APOC3: variants seen among roughly 807,000 people sequenced by gnomAD.
The protein encoded by APOC3 is apolipoprotein C-III.
In APOC3, 6 loss-of-function variants were observed where a neutral mutation model predicts 7.3. That is an observed-to-expected ratio of 0.82 (90% CI 0.45 to 1.61). The LOEUF (loss-of-function observed/expected upper bound fraction) is 1.61, where lower values mean the gene tolerates loss of function less well. APOC3 is among the 40% of genes most tolerant of loss of function. The probability of loss-of-function intolerance (pLI) is 0.01; values close to 1 mark genes in which losing one functional copy is unlikely to be tolerated. For missense variants in APOC3, 123 were observed against 124.9 expected (o/e 0.98, Z 0.07); for synonymous variants, 45 against 51.2 (o/e 0.88, Z 0.52).
intron 3 of APOC3, chr11:116,831,205 C>CT (rs371642961): frequency 9.4e-6 from 1 of 106,638 alleles, no homozygotes; most frequent in East Asian, 1.6e-4. Context: ...TTCTTTCTTT[C>CT]TTTCTTTCTT....
At chr11:116,831,161 C>A (rs1941443479) in intron 3 of APOC3, 2 of 366,970 alleles carry the variant, frequency 5.5e-6, no homozygotes, top group Non-Finnish European at 4.8e-6. Flanking sequence ...TTTCCATTTT[C>A]CTTTCCTTTC....
At position 116,830,863 on chromosome 11, in the gene APOC3, G is replaced by A. The variant is rs1416171435; in HGVS notation, c.146G>A (p.Ser49Asn). 2 of 1,613,118 alleles carry A rather than the reference G, an allele frequency of 1.2e-6. No individual in the cohort carries two copies. Among genetic ancestry groups the A allele is most frequent in the East Asian group, 2.2e-5 (1 of 44,870 alleles). The change falls in exon 3 of 4, where the codon AGC (serine) becomes AAC (asparagine). Residue 49 changes from serine to asparagine, a missense_variant. Transcript: ENST00000227667. ...ATKTAKDALS[S>N]VQESQVAQQA... ...AAGACCGCCAAGGATGCACTGAGCA[G>A]CGTGCAGGAGTCCCAGGTGGCCCAG...
At chr11:116,831,549 G>C (rs145482404) in intron 3 of APOC3, among the ~76,000 whole-genome samples, 8 of 152,060 alleles carry the variant, frequency 5.3e-5, no homozygotes, top group African/African-American at 1.9e-4. Flanking sequence ...ATTTTTAGCA[G>C]AGATGGGGTT....
chr11:116,830,812 T>C lies in APOC3; in HGVS notation c.95T>C (p.Met32Thr), dbSNP rs1288391287. 1 of 1,613,240 alleles carries C rather than the reference T, an allele frequency of 6.2e-7. No homozygotes were observed. Among genetic ancestry groups the C allele is most frequent in the African/African-American group, 1.3e-5 (1 of 75,046 alleles). ...GAGGATGCCTCCCTTCTCAGCTTCA[T>C]GCAGGGTTACATGAAGCACGCCACC... The part of the protein sequence containing the change: ...EAEDASLLSF[M>T]QGYMKHATKT... Residue 32 changes from methionine (M) to threonine (T), a missense_variant, in exon 3 of 4, where the codon ATG (methionine) becomes ACG (threonine). By Grantham distance (81) the Met-to-Thr change is moderately conservative. Transcript: ENST00000227667.
chr11:116,831,283 C>T (rs200501619), intron 3 of APOC3, among the ~76,000 whole-genome samples: 18,428 of 46,328 alleles, frequency 0.4, 1,871 homozygotes, highest in Non-Finnish European at 0.48. Context: ...TTCTTTCTTT[C>T]CTTTCTTTCT....
At chr11:116,830,542 G>A (rs773126795) in intron 1 of APOC3, 28 bp from the exon 2 acceptor site, 1 of 1,613,262 alleles carries the variant, frequency 6.2e-7, no homozygotes, top group Non-Finnish European at 8.5e-7. Flanking sequence ...GGGACCTGGG[G>A]TGCCCCTCAC....
At chr11:116,831,008 G>A (rs1941440925) in intron 3 of APOC3, 112 bp downstream of exon 3, 3 of 1,320,150 alleles carry the variant, frequency 2.3e-6, no homozygotes, top group East Asian at 5.0e-5. Context: ...GCCTCCCCTG[G>A]GCCTGTGCCT....
At position 116,830,895 on chromosome 11, in the gene APOC3, A is replaced by G; in HGVS notation, c.178A>G (p.Arg60Gly). Residue 60 changes from arginine (R) to glycine (G), a missense_variant and splice_region_variant, in exon 3 of 4, where the codon AGG (arginine) becomes GGG (glycine). Arg to Gly is a moderately radical substitution (Grantham distance 125). Transcript: ENST00000227667. The part of the protein sequence containing the change: ...VQESQVAQQA[R>G]GWVTDGFSSL... The stretch of plus-strand genomic sequence containing the variant: ...GGAGTCCCAGGTGGCCCAGCAGGCC[A>G]GGTACACCCGCTGGCCTCCCTCCCC... 1 of 1,611,040 alleles carries G rather than the reference A, an allele frequency of 6.2e-7. No homozygotes were observed. Among genetic ancestry groups the G allele is most frequent in the Non-Finnish European group, 8.5e-7 (1 of 1,179,592 alleles).
chr11:116,831,357 T>C (rs1941458414), intron 3 of APOC3, among the ~76,000 whole-genome samples: 1 of 150,412 alleles, frequency 6.6e-6, no homozygotes, highest in South Asian at 2.1e-4. Flanking sequence ...TCTTCCTTTC[T>C]CTCTTTCTTT....
intron 3 of APOC3, chr11:116,831,187 C>CTATT (rs1314746615): frequency 3.7e-5 from 7 of 191,004 alleles, no homozygotes; most frequent in Non-Finnish European, 7.1e-5. Context: ...CTTTCTCTTT[C>CTATT]TATTTCTTTC....
chr11:116,831,226 TTTCTTTCTTTC>T, intron 3 of APOC3: 1 of 196,566 alleles, frequency 5.1e-6, no homozygotes, highest in Non-Finnish European at 9.1e-6. Context: ...TCTTTCTTTC[TTTCTTTCTTTC>T]TTTCTTTCTT....
rs1941480195 is a variant in APOC3, at chr11:116,833,024, C to T, written c.*140C>T. ...CTACCCCACCTCATGCCTGGCCCCC[C>T]TCCAGGCATGCTGGCCTCCCAATAA... On this transcript the variant is annotated 3_prime_UTR_variant, in exon 4 of 4. Coordinates refer to ENST00000227667, the MANE Select transcript of APOC3 (RefSeq NM_000040.3). 2.5e-6 allele frequency: 3 copies of T among 1,198,752 alleles called. No individual in the cohort carries two copies. Among genetic ancestry groups the T allele is most frequent in the Non-Finnish European group, 2.4e-6 (2 of 826,904 alleles). 74.3% of individuals were successfully genotyped at this position (1,198,752 alleles called of 1,614,324 possible). A position where few individuals can be genotyped will look rare whatever the true frequency, so the allele number is the denominator to read the frequency against.
Position 116,832,994 on chromosome 11 carries a change from C to A in APOC3, c.*110C>A. 6.8e-7 allele frequency: 1 copy of A among 1,471,642 alleles called. No individual in the cohort carries two copies. The highest frequency in any genetic ancestry group is 9.4e-7 in the Non-Finnish European group (1 of 1,061,130). The allele number at this position is 1,471,642 out of a possible 1,614,324, so 91.2% of individuals were successfully genotyped here. A position where few individuals can be genotyped will look rare whatever the true frequency, so the allele number is the denominator to read the frequency against. On this transcript the variant is annotated 3_prime_UTR_variant, in exon 4 of 4. Coordinates refer to ENST00000227667, the MANE Select transcript of APOC3 (RefSeq NM_000040.3). ...CTTAAAAGGGACAGTATTCTCAGTG[C>A]TCTCCTACCCCACCTCATGCCTGGC...
Position 116,830,612 on chromosome 11 carries a change from CCTCCTGGCG to C in APOC3, c.39_47del (p.Leu14_Ala16del). The C allele has an allele frequency of 1.2e-6, 2 of 1,613,886 alleles. No individual in the cohort carries two copies. The highest frequency in any genetic ancestry group is 1.3e-5 in the African/African-American group (1 of 74,936). On this transcript the variant is annotated inframe_deletion, in exon 2 of 4. Coordinates refer to ENST00000227667, the MANE Select transcript of APOC3 (RefSeq NM_000040.3). ...AGCCCCGGGTACTCCTTGTTGTTGC[CCTCCTGGCG>C]CTCCTGGCCTCTGCCCGTAAGCACT...
chr11:116,832,419 G>C (rs1685978335), intron 3 of APOC3, among the ~76,000 whole-genome samples: 3 of 152,218 alleles, frequency 2.0e-5, no homozygotes, highest in Admixed American at 2.0e-4. Flanking sequence ...ACCAGGTTGT[G>C]CAACTCCAGG....
chr11:116,830,235 A>T (rs1056195450), intron 1 of APOC3, among the ~76,000 whole-genome samples: 2 of 152,050 alleles, frequency 1.3e-5, no homozygotes, highest in African/African-American at 4.8e-5. Context: ...GCCCAGTCCT[A>T]CCCCAGACAG....
At position 116,833,003 on chromosome 11, in the gene APOC3, C is replaced by T. The variant is rs570839541; in HGVS notation, c.*119C>T. Reference sequence around the variant, plus strand: ...GACAGTATTCTCAGTGCTCTCCTACCCCACCTCATGCCTGGCCCCCCTCCA... The same window carrying T: ...GACAGTATTCTCAGTGCTCTCCTACTCCACCTCATGCCTGGCCCCCCTCCA... On this transcript the variant is annotated 3_prime_UTR_variant, in exon 4 of 4. Coordinates refer to ENST00000227667, the MANE Select transcript of APOC3 (RefSeq NM_000040.3). 2.1e-6 allele frequency: 3 copies of T among 1,416,770 alleles called. No homozygotes were observed. The highest frequency in any genetic ancestry group is 3.0e-6 in the Non-Finnish European group (3 of 1,015,076). The allele number at this position is 1,416,770 out of a possible 1,614,324, so 87.8% of individuals were successfully genotyped here. A position where few individuals can be genotyped will look rare whatever the true frequency, so the allele number is the denominator to read the frequency against.
In APOC3 at chr11:116,830,612, C is replaced by T. The variant is rs747191960; in HGVS notation, c.30C>T (p.Ala10=). 5.6e-6 allele frequency: 9 copies of T among 1,614,004 alleles called. No homozygotes were observed. In the South Asian group the frequency reaches 9.9e-5, roughly 18 times the overall value. Residue 10 remains alanine, a synonymous_variant, in exon 2 of 4, where the codon GCC becomes GCT. Coordinates refer to ENST00000227667, the MANE Select transcript of APOC3 (RefSeq NM_000040.3). ...AGCCCCGGGTACTCCTTGTTGTTGC[C>T]CTCCTGGCGCTCCTGGCCTCTGCCC... The part of the protein sequence containing the change: MQPRVLLVV[A]LLALLASARA...
intron 3 of APOC3, 112 bp downstream of exon 3, chr11:116,831,008 G>T: frequency 4.5e-6 from 6 of 1,320,150 alleles, no homozygotes; most frequent in South Asian, 2.6e-5. Context: ...GCCTCCCCTG[G>T]GCCTGTGCCT....
Sources: gnomAD v4.1 joint callset for allele counts (sites outside exome capture counted in the v4.1 genomes callset) on GRCh38, gnomAD v4.1.1 for gene constraint, MANE v1.5 for transcripts, NCBI Gene and HGNC (gene_info 2026-07-23, HGNC 2026-07-21) for gene names.